ATP8B4: variants seen among roughly 807,000 people sequenced by gnomAD.
The protein encoded by ATP8B4 is ATPase phospholipid transporting 8B4 (putative).
A neutral mutation model predicts 145.6 loss-of-function variants in ATP8B4; 133 were observed. The observed-to-expected ratio is 0.91, with a 90% CI of 0.79 to 1.05. The LOEUF is 1.05. ATP8B4 is among the 50% of genes least tolerant of loss of function. ATP8B4 has a pLI of 0.00. For missense variants in ATP8B4, 1,458 were observed against 1,425.2 expected (o/e 1.02, Z -0.37); for synonymous variants, 507 against 492.9 (o/e 1.03, Z -0.38).
chr15:49,950,618 A>C (rs1296810530), intron 14 of ATP8B4, among the ~76,000 whole-genome samples: 3 of 98,658 alleles, frequency 3.0e-5, no homozygotes, highest in African/African-American at 9.0e-5. Flanking sequence ...AAACAAACAA[A>C]CAAAAAAAAC....
At chr15:50,103,678 A>G (rs149053706) in intron 2 of ATP8B4, among the ~76,000 whole-genome samples, 2 of 152,308 alleles carry the variant, frequency 1.3e-5, no homozygotes, top group East Asian at 1.9e-4. Flanking sequence ...TACAAATTCA[A>G]TGCAATTCCC....
At position 49,896,927 on chromosome 15, in the gene ATP8B4, A is replaced by T. The variant is rs73396960; in HGVS notation, c.2697+365T>A. On this transcript the variant is annotated intron_variant, in intron 23 of 27. Coordinates refer to ENST00000284509, the MANE Select transcript of ATP8B4 (RefSeq NM_024837.4). ...TGGATAAGAAACCATCTTCCCAGTA[A>T]AGATACCTCAACATTTCTTATTAGT... is the stretch of plus-strand genomic sequence containing the variant. 252 of 200,196 alleles carry T rather than the reference A, an allele frequency of 1.3e-3. 1 individual carries two copies. Among genetic ancestry groups the T allele is most frequent in the African/African-American group, 5.4e-3 (229 of 42,418 alleles). 12.4% of individuals were successfully genotyped at this position (200,196 alleles called of 1,614,324 possible). A position where few individuals can be genotyped will look rare whatever the true frequency, so the allele number is the denominator to read the frequency against.
chr15:50,119,752 CT>C (rs572570694), upstream of ATP8B4, among the ~76,000 whole-genome samples: 6,001 of 91,436 alleles, frequency 0.066, 201 homozygotes, highest in Middle Eastern at 0.1. Flanking sequence ...GTTTTTGTCA[CT>C]TTTTTTTTTT....
upstream of ATP8B4, among the ~76,000 whole-genome samples, chr15:50,119,977 G>T (rs375007459): frequency 2.0e-5 from 3 of 152,092 alleles, no homozygotes; most frequent in East Asian, 3.9e-4. Context: ...CTTTTAAGGG[G>T]ATTCTGGTTG....
chr15:50,013,300 A>G (rs2048852165), intron 6 of ATP8B4, among the ~76,000 whole-genome samples: 1 of 152,122 alleles, frequency 6.6e-6, no homozygotes, highest in African/African-American at 2.4e-5. Context: ...GCAATCTTGC[A>G]CCATAGCTCT....
chr15:49,906,207 G>C (rs537314699), intron 20 of ATP8B4, among the ~76,000 whole-genome samples: 1 of 152,234 alleles, frequency 6.6e-6, no homozygotes, highest in Admixed American at 6.5e-5. Context: ...AATCAATAGA[G>C]CAATAAATAT....
intron 1 of ATP8B4, among the ~76,000 whole-genome samples, chr15:50,114,916 G>C (rs1474896251): frequency 6.6e-6 from 1 of 152,158 alleles, no homozygotes; most frequent in Non-Finnish European, 1.5e-5. Flanking sequence ...AGACTTATCA[G>C]GTGCCTACTC....
intron 1 of ATP8B4, among the ~76,000 whole-genome samples, chr15:50,141,654 G>T (rs1159173495): frequency 6.6e-6 from 1 of 152,082 alleles, no homozygotes; most frequent in Non-Finnish European, 1.5e-5. Flanking sequence ...TGAAGGAGCC[G>T]CACTGTGCAT....
intron 6 of ATP8B4, among the ~76,000 whole-genome samples, chr15:50,037,610 C>T (rs568002532): frequency 9.8e-5 from 15 of 152,334 alleles, no homozygotes; most frequent in African/African-American, 3.6e-4. Context: ...ACTTAAGTCT[C>T]TCAGTGCAAA....
intron 1 of ATP8B4, among the ~76,000 whole-genome samples, chr15:50,129,946 CAAAAAAAAAA>C (rs59921497): frequency 1.1e-5 from 1 of 88,156 alleles, no homozygotes; most frequent in Non-Finnish European, 2.2e-5. Context: ...GACTCTGACT[CAAAAAAAAAA>C]AAAAAAAAAA....
intron 1 of ATP8B4, among the ~76,000 whole-genome samples, chr15:50,159,012 T>C (rs1267666887): frequency 6.6e-6 from 1 of 152,228 alleles, no homozygotes; most frequent in Non-Finnish European, 1.5e-5. Flanking sequence ...GAGACCTCTG[T>C]TCACTTGTTT....
chr15:50,158,053 A>T (rs1004959293), intron 1 of ATP8B4, among the ~76,000 whole-genome samples: 2 of 152,180 alleles, frequency 1.3e-5, no homozygotes, highest in Non-Finnish European at 2.9e-5. Flanking sequence ...TCGTTCACTC[A>T]GTGCTCAGTG....
chr15:49,860,128 G>C lies in ATP8B4; in HGVS notation c.*66C>G. 4.6e-6 allele frequency: 7 copies of C among 1,524,266 alleles called. No homozygotes were observed. The highest frequency in any genetic ancestry group is 6.2e-6 in the Non-Finnish European group (7 of 1,133,504). The allele number at this position is 1,524,266 out of a possible 1,614,324, so 94.4% of individuals were successfully genotyped here. ...CTCTTGCCTCAAATCTCAAACTCTGGAGCCAGCAGAATTTCAGCTCCACCT... is the reference window on the plus strand; with the variant it reads ...CTCTTGCCTCAAATCTCAAACTCTGCAGCCAGCAGAATTTCAGCTCCACCT... On this transcript the variant is annotated 3_prime_UTR_variant, in exon 28 of 28. Transcript: ENST00000284509.
chr15:49,985,653 A>C (rs1331765856), intron 10 of ATP8B4, among the ~76,000 whole-genome samples: 1 of 152,240 alleles, frequency 6.6e-6, no homozygotes, highest in Non-Finnish European at 1.5e-5. Context: ...GCCAAATCAC[A>C]AAAGAAGAAG....
intron 3 of ATP8B4, among the ~76,000 whole-genome samples, chr15:50,061,080 T>G (rs12903325): frequency 0.2 from 29,892 of 152,110 alleles, 3,212 homozygotes; most frequent in East Asian, 0.35. Flanking sequence ...GATGAAACAC[T>G]GAAATGCCTT....
chr15:50,015,762 A>T (rs1364535051), intron 6 of ATP8B4, among the ~76,000 whole-genome samples: 1 of 152,238 alleles, frequency 6.6e-6, no homozygotes, highest in Non-Finnish European at 1.5e-5. Flanking sequence ...ACTGGTGAAC[A>T]GGATCTCACT....
At chr15:49,960,817 T>C (rs1335312331) in intron 14 of ATP8B4, among the ~76,000 whole-genome samples, 1 of 152,046 alleles carries the variant, frequency 6.6e-6, no homozygotes. Context: ...GACAACCCAA[T>C]AGAAGAAAAT....
At chr15:49,887,715 CTATT>C (rs896855688) in intron 23 of ATP8B4, among the ~76,000 whole-genome samples, 1 of 150,400 alleles carries the variant, frequency 6.6e-6, no homozygotes, top group African/African-American at 2.4e-5. Context: ...ACTGTTTTTT[CTATT>C]TAAGGAAAGC....
intron 3 of ATP8B4, among the ~76,000 whole-genome samples, chr15:50,058,312 C>G (rs988002292): frequency 2.0e-5 from 3 of 152,176 alleles, no homozygotes; most frequent in Non-Finnish European, 4.4e-5. Context: ...CTGGCTTGTT[C>G]AAGCCCATTT....
Sources: gnomAD v4.1 joint callset for allele counts (sites outside exome capture counted in the v4.1 genomes callset) on GRCh38, gnomAD v4.1.1 for gene constraint, MANE v1.5 for transcripts, NCBI Gene and HGNC (gene_info 2026-07-23, HGNC 2026-07-21) for gene names.